NXPH1: variants seen among roughly 807,000 people sequenced by gnomAD.
NXPH1 encodes the protein neurexophilin 1, also known as neurexophilin-1.
Under a neutral mutation model 23.7 loss-of-function variants are expected in NXPH1, and 5 were observed. That is an observed-to-expected ratio of 0.21 (90% CI 0.11 to 0.44). The LOEUF (loss-of-function observed/expected upper bound fraction) is 0.44, where lower values mean the gene tolerates loss of function less well. NXPH1 is among the 20% of genes least tolerant of loss of function. NXPH1 has a pLI of 0.99. For synonymous variants in NXPH1, 144 were observed against 122.2 expected (o/e 1.18, Z -1.18); for missense variants, 324 against 321.6 (o/e 1.01, Z -0.06).
At chr7:8,733,880 A>T (rs1445277363) in intron 2 of NXPH1, among the ~76,000 whole-genome samples, 3 of 152,158 alleles carry the variant, frequency 2.0e-5, no homozygotes, top group Non-Finnish European at 4.4e-5. Flanking sequence ...TCTTTAGTTT[A>T]ATTAGGTCCC....
chr7:8,480,092 A>C (rs897922351), intron 2 of NXPH1, among the ~76,000 whole-genome samples: 5 of 151,998 alleles, frequency 3.3e-5, no homozygotes, highest in Non-Finnish European at 7.4e-5. Flanking sequence ...GAGGAGGGAG[A>C]TGTTTGAGAT....
At chr7:8,647,319 A>G (rs1174359197) in intron 2 of NXPH1, among the ~76,000 whole-genome samples, 1 of 152,152 alleles carries the variant, frequency 6.6e-6, no homozygotes, top group African/African-American at 2.4e-5. Flanking sequence ...GAAGTCAGCT[A>G]GAAGAGAAAA....
chr7:8,465,515 A>T (rs1816773201), intron 2 of NXPH1, among the ~76,000 whole-genome samples: 1 of 152,144 alleles, frequency 6.6e-6, no homozygotes, highest in South Asian at 2.1e-4. Flanking sequence ...AAGTAGATAG[A>T]TGAGCTCTCA....
rs116158545 is a variant in NXPH1 at position 8,698,766 on chromosome 7, G to C, written c.55-52242G>C. Among the ~76,000 whole-genome samples, 726 of 152,192 alleles carry C rather than the reference G, an allele frequency of 4.8e-3. 5 individuals carry two copies. Among genetic ancestry groups the C allele is most frequent in the African/African-American group, 0.017 (688 of 41,542 alleles). On this transcript the variant is annotated intron_variant, in intron 2 of 2. Transcript: ENST00000405863. ...AATCTTAAGTTTATGGTTATGACCA[G>C]TTTAGGCTAGATGAAATTAGAATTG...
intron 2 of NXPH1, among the ~76,000 whole-genome samples, chr7:8,443,121 T>G (rs1332223524): frequency 6.6e-6 from 1 of 152,228 alleles, no homozygotes; most frequent in Non-Finnish European, 1.5e-5. Flanking sequence ...CGCTCGCGAC[T>G]GTGACGACCC....
At chr7:8,718,895 C>G (rs143025660) in intron 2 of NXPH1, among the ~76,000 whole-genome samples, 3 of 152,162 alleles carry the variant, frequency 2.0e-5, no homozygotes, top group Non-Finnish European at 2.9e-5. Context: ...CAGCTTTCTA[C>G]CTAACTGTAT....
At position 8,473,974 on chromosome 7, in the gene NXPH1, T is replaced by C. The variant is rs555530770; in HGVS notation, c.54+38207T>C. ...CCCTTCAAATTACCCAGGAGCTTGA[T>C]GAATAGCTGGACTCACCAGTGAGTG... is the stretch of plus-strand genomic sequence containing the variant. On this transcript the variant is annotated intron_variant, in intron 2 of 2. Coordinates refer to ENST00000405863, the MANE Select transcript of NXPH1 (RefSeq NM_152745.3). 2.0e-5 allele frequency among the ~76,000 whole-genome samples: 3 copies of C among 152,276 alleles called. No homozygotes were observed. In the East Asian group the frequency reaches 5.8e-4, roughly 29 times the overall value.
intron 2 of NXPH1, among the ~76,000 whole-genome samples, chr7:8,569,226 C>G (rs1818603178): frequency 6.6e-6 from 1 of 151,772 alleles, no homozygotes; most frequent in Non-Finnish European, 1.5e-5. Context: ...GCTTCTACAC[C>G]TAGCTACCAG....
chr7:8,494,065 G>A lies in NXPH1; in HGVS notation c.54+58298G>A, dbSNP rs77202964. Among the ~76,000 whole-genome samples, 159 of 151,846 alleles carry A rather than the reference G, an allele frequency of 1.0e-3. No individual in the cohort carries two copies. The East Asian group carries it at 0.018, about 17-fold the overall frequency. ...ATGTATAGTATCCTAGATTTTTTCC[G>A]TCTCAGGATATTGAAGGCCTTTACT... On this transcript the variant is annotated intron_variant, in intron 2 of 2. Transcript: ENST00000405863.
In NXPH1 at chr7:8,629,190, G is replaced by C. The variant is rs929291099; in HGVS notation, c.55-121818G>C. 3.9e-5 allele frequency among the ~76,000 whole-genome samples: 6 copies of C among 152,024 alleles called. No homozygotes were observed. In the Middle Eastern group the frequency reaches 0.01, roughly 259 times the overall value. The stretch of plus-strand genomic sequence containing the variant: ...ATGGTCACAGAAATAATTTAAACCA[G>C]GTATTTGTAAAAAATCCAATATGTA... On this transcript the variant is annotated intron_variant, in intron 2 of 2. Transcript: ENST00000405863.
intron 2 of NXPH1, among the ~76,000 whole-genome samples, chr7:8,571,795 C>T (rs532899017): frequency 6.6e-6 from 1 of 151,734 alleles, no homozygotes; most frequent in East Asian, 1.9e-4. Context: ...AATTCTCCTC[C>T]ATAGACTTGG....
At chr7:8,582,397 A>C (rs1413652000) in intron 2 of NXPH1, among the ~76,000 whole-genome samples, 2 of 152,146 alleles carry the variant, frequency 1.3e-5, no homozygotes, top group African/African-American at 4.8e-5. Flanking sequence ...GTATGTGCAC[A>C]CCCAACTGGA....
Position 8,751,018 on chromosome 7 carries a change from C to T in NXPH1, c.65C>T (p.Ala22Val), listed in dbSNP as rs765119710. ...LQPTVYLVTCANLTNGGKSEL... is the reference protein window; with the variant it reads ...LQPTVYLVTCVNLTNGGKSEL... ...CTCTTCTGTTTTCAGGTCACATGTG[C>T]CAATTTAACGAACGGTGGAAAGTCA... is the stretch of plus-strand genomic sequence containing the variant. Residue 22 changes from alanine to valine, a missense_variant, in exon 3 of 3, where the codon GCC becomes GTC. Transcript: ENST00000405863. The surrounding 1 kb of genome is among the most constrained non-coding windows in gnomAD (Gnocchi z 4.5). 2 of 1,613,470 alleles carry T rather than the reference C, an allele frequency of 1.2e-6. No homozygotes were observed. The highest frequency in any genetic ancestry group is 1.7e-6 in the Non-Finnish European group (2 of 1,179,506).
At chr7:8,579,659 A>G (rs1446669047) in intron 2 of NXPH1, among the ~76,000 whole-genome samples, 3 of 152,236 alleles carry the variant, frequency 2.0e-5, no homozygotes, top group Non-Finnish European at 4.4e-5. Context: ...GGCGTGAGCC[A>G]CCACGCCTGG....
intron 2 of NXPH1, among the ~76,000 whole-genome samples, chr7:8,437,297 T>A (rs1204396650): frequency 6.7e-6 from 1 of 149,852 alleles, no homozygotes; most frequent in Non-Finnish European, 1.5e-5. Context: ...CCCACTGACA[T>A]TGAGAGACCA....
chr7:8,718,187 T>C (rs1425840314), intron 2 of NXPH1, among the ~76,000 whole-genome samples: 2 of 152,200 alleles, frequency 1.3e-5, no homozygotes, highest in Non-Finnish European at 2.9e-5. Context: ...GATATTTCTT[T>C]GAACATATTA....
intron 2 of NXPH1, among the ~76,000 whole-genome samples, chr7:8,557,768 C>T (rs367924926): frequency 1.3e-4 from 19 of 151,800 alleles, no homozygotes; most frequent in African/African-American, 3.4e-4. Context: ...TCATATACAG[C>T]GACATAAACT....
intron 2 of NXPH1, among the ~76,000 whole-genome samples, chr7:8,441,370 A>T (rs1476688097): frequency 6.6e-6 from 1 of 152,088 alleles, no homozygotes; most frequent in Non-Finnish European, 1.5e-5. Context: ...GGATGTCAGC[A>T]CTAACCCCCT....
In NXPH1 at chr7:8,604,073, T is replaced by TA. The variant is rs201582885; in HGVS notation, c.55-146925dup. Among the ~76,000 whole-genome samples the TA allele has an allele frequency of 3.7e-3, 549 of 149,260 alleles. 5 individuals carry two copies. The highest frequency in any genetic ancestry group is 0.013 in the East Asian group (64 of 5,034). On this transcript the variant is annotated intron_variant, in intron 2 of 2. Transcript: ENST00000405863. ...AGTGGTGTGCAAATGAGGAAAAAAA[T>TA]AAAAAAAAAAGTGGATGGTTCTATC...
Sources: allele counts gnomAD v4.1 joint callset (sites outside exome capture counted in the v4.1 genomes callset), GRCh38; gene constraint gnomAD v4.1.1; non-coding constraint Gnocchi (gnomAD v3.1); transcripts MANE v1.5; gene names NCBI Gene and HGNC (gene_info 2026-07-23, HGNC 2026-07-21).